The following STAB2 variants were observed in gnomAD, a reference collection of about 807,000 sequenced individuals.
The protein encoded by STAB2 is stabilin-2.
A neutral mutation model predicts 338.1 loss-of-function variants in STAB2; 288 were observed. The observed-to-expected ratio is 0.85, with a 90% CI of 0.77 to 0.94. The LOEUF (loss-of-function observed/expected upper bound fraction) is 0.94. STAB2 is among the 40% of genes least tolerant of loss of function. The probability of loss-of-function intolerance (pLI) is 0.00; values close to 1 mark genes in which losing one functional copy is unlikely to be tolerated. For missense variants in STAB2, 3,141 were observed against 3,210.1 expected, an observed-to-expected ratio of 0.98 and a Z score of 0.52; for synonymous variants, 1,202 against 1,193.3, an observed-to-expected ratio of 1.01 and a Z score of -0.15.
chr12:103,660,955 C>T (rs1293359154), intron 17 of STAB2, among the ~76,000 whole-genome samples, 192 bp downstream of exon 17: 2 of 152,000 alleles, frequency 1.3e-5, no homozygotes, highest in Non-Finnish European at 2.9e-5. Context: ...CACTAGATGC[C>T]GAGAATAAAG....
chr12:103,742,683 C>T (rs1322053004), intron 56 of STAB2, 129 bp downstream of exon 56: 2 of 1,429,546 alleles, frequency 1.4e-6, no homozygotes, highest in South Asian at 1.3e-5. Context: ...CTCCAATCTG[C>T]CTGCCCTATG....
rs186806249 is a variant in STAB2, at chr12:103,669,525, G to A, written c.2173-16G>A. On this transcript the variant is annotated splice_polypyrimidine_tract_variant and intron_variant, in intron 20 of 68. Transcript: ENST00000388887. Reference sequence around the variant, plus strand: ...TACTTGGGGGTTCAAAGGGGAACACGCATTTTGTTTTTCAGATTCCAAAGT... The same window carrying A: ...TACTTGGGGGTTCAAAGGGGAACACACATTTTGTTTTTCAGATTCCAAAGT... 9.0e-5 allele frequency: 145 copies of A among 1,610,720 alleles called. No homozygotes were observed. The East Asian group carries it at 1.9e-3, about 21-fold the overall frequency.
chr12:103,703,742 G>A (rs1566030065), intron 35 of STAB2, among the ~76,000 whole-genome samples: 1 of 152,172 alleles, frequency 6.6e-6, no homozygotes, highest in Non-Finnish European at 1.5e-5. Flanking sequence ...GATAATGGAG[G>A]CTTTTCATGC....
chr12:103,701,977 T>TACACAC (rs71097990), intron 34 of STAB2, among the ~76,000 whole-genome samples: 183 of 144,022 alleles, frequency 1.3e-3, no homozygotes, highest in East Asian at 7.3e-3. Context: ...TCAGCCCTGC[T>TACACAC]ACACACACAC....
chr12:103,707,927 G>A lies in STAB2; in HGVS notation c.4193-514G>A, dbSNP rs184668684. ...TAAAATGGGATTTGTAGATGACCCT[G>A]ATGGGATTCAGCAAACCGCTAAAGC... On this transcript the variant is annotated intron_variant, in intron 38 of 68. Coordinates refer to ENST00000388887, the MANE Select transcript of STAB2 (RefSeq NM_017564.10). Among the ~76,000 whole-genome samples, 17 of 152,318 alleles carry A rather than the reference G, an allele frequency of 1.1e-4. No individual in the cohort carries two copies. The East Asian group carries it at 2.9e-3, about 26-fold the overall frequency.
At chr12:103,641,644 A>G (rs1338110328) in intron 9 of STAB2, among the ~76,000 whole-genome samples, 1 of 152,232 alleles carries the variant, frequency 6.6e-6, no homozygotes, top group East Asian at 1.9e-4. Flanking sequence ...ACCCTCTGAG[A>G]AAGTCTAAAT....
Position 103,661,808 on chromosome 12 carries a change from AGGAACAGCAAG to A in STAB2, c.1870-1036_1870-1026del, listed in dbSNP as rs1874645668. 1.1e-4 allele frequency among the ~76,000 whole-genome samples: 17 copies of A among 152,312 alleles called. No homozygotes were observed. In the South Asian group the frequency reaches 3.5e-3, roughly 32 times the overall value. ...AGAAAGGAGCATGCTGGGCTGTGTG[AGGAACAGCAAG>A]GCCAGTGTGGCTAGAGCAGAGAGAG... On this transcript the variant is annotated intron_variant, in intron 17 of 68. Transcript: ENST00000388887.
chr12:103,649,237 C>G (rs1241260621), intron 10 of STAB2, among the ~76,000 whole-genome samples: 1 of 152,190 alleles, frequency 6.6e-6, no homozygotes, highest in Admixed American at 6.5e-5. Flanking sequence ...AGGGCAGCAT[C>G]CTTGTTCCTC....
intron 15 of STAB2, among the ~76,000 whole-genome samples, chr12:103,659,145 C>G (rs1227922839): frequency 6.6e-6 from 1 of 152,180 alleles, no homozygotes; most frequent in African/African-American, 2.4e-5. Context: ...TATTGACAAC[C>G]CTGCCCTGCA....
chr12:103,685,110 A>G, intron 27 of STAB2, 26 bp downstream of exon 27: 1 of 1,604,462 alleles, frequency 6.2e-7, no homozygotes, highest in Non-Finnish European at 8.5e-7. Context: ...TGAACTCAAT[A>G]ATATAGACAA....
chr12:103,727,632 C>G (rs1012363978), intron 47 of STAB2, among the ~76,000 whole-genome samples: 1 of 152,100 alleles, frequency 6.6e-6, no homozygotes, highest in Non-Finnish European at 1.5e-5. Context: ...TTTAGACCTC[C>G]TATAGACAAA....
chr12:103,758,954 G>A (rs375536471), intron 64 of STAB2, among the ~76,000 whole-genome samples, 179 bp from the exon 65 acceptor site: 13 of 152,246 alleles, frequency 8.5e-5, no homozygotes, highest in African/African-American at 2.4e-4. Flanking sequence ...GCTATAGGTG[G>A]CCTCTGGCAG....
chr12:103,686,489 C>T (rs1335427952), intron 27 of STAB2, among the ~76,000 whole-genome samples: 1 of 152,178 alleles, frequency 6.6e-6, no homozygotes, highest in African/African-American at 2.4e-5. Flanking sequence ...GGTATCTCCA[C>T]ACAGACTTCA....
At chr12:103,683,067 C>G in intron 25 of STAB2, 138 bp from the exon 26 acceptor site, 1 of 540,998 alleles carries the variant, frequency 1.8e-6, no homozygotes, top group Non-Finnish European at 3.1e-6. Flanking sequence ...GTGTATCAAG[C>G]AAAAGGCATT....
chr12:103,629,180 G>A (rs947136521), intron 5 of STAB2, among the ~76,000 whole-genome samples: 3 of 152,224 alleles, frequency 2.0e-5, no homozygotes, highest in Non-Finnish European at 4.4e-5. Flanking sequence ...TGCTACCAGA[G>A]AGGCTGTGGT....
chr12:103,684,224 A>G (rs1053482779), intron 26 of STAB2, among the ~76,000 whole-genome samples: 3 of 152,036 alleles, frequency 2.0e-5, no homozygotes, highest in African/African-American at 7.2e-5. Flanking sequence ...ATTTATTAGC[A>G]CCCCATGTCC....
intron 55 of STAB2, among the ~76,000 whole-genome samples, 176 bp from the exon 56 acceptor site, chr12:103,742,229 A>G: frequency 6.6e-6 from 1 of 152,208 alleles, no homozygotes; most frequent in East Asian, 1.9e-4. Context: ...GAATCATATC[A>G]GATACCATAA....
chr12:103,641,512 C>T lies in STAB2; in HGVS notation c.1040+1256C>T, dbSNP rs553097684. On this transcript the variant is annotated intron_variant, in intron 9 of 68. Coordinates refer to ENST00000388887, the MANE Select transcript of STAB2 (RefSeq NM_017564.10). Reference sequence around the variant, plus strand: ...CATGTGAATGCACACACAAATACACCACAGCCATGCATATAGGCACAGAGG... The same window carrying T: ...CATGTGAATGCACACACAAATACACTACAGCCATGCATATAGGCACAGAGG... Among the ~76,000 whole-genome samples, 7 of 152,254 alleles carry T rather than the reference C, an allele frequency of 4.6e-5. No individual in the cohort carries two copies. In the East Asian group the frequency reaches 9.6e-4, roughly 21 times the overall value.
intron 3 of STAB2, among the ~76,000 whole-genome samples, chr12:103,604,968 GTATT>G (rs1426077655): frequency 6.6e-6 from 1 of 151,312 alleles, no homozygotes; most frequent in African/African-American, 2.4e-5. Flanking sequence ...TTCTCATATA[GTATT>G]TATTTAGTGC....
Sources: gnomAD v4.1 joint callset for allele counts (sites outside exome capture counted in the v4.1 genomes callset) on GRCh38, gnomAD v4.1.1 for gene constraint, MANE v1.5 for transcripts, NCBI Gene and HGNC (gene_info 2026-07-23, HGNC 2026-07-21) for gene names.